The following FLNC variants were observed in gnomAD, a reference collection of about 807,000 sequenced individuals.
FLNC encodes filamin C.
A neutral mutation model predicts 254.3 loss-of-function variants in FLNC; 91 were observed. The ratio of observed to expected loss-of-function variants is 0.36; its 90% CI spans 0.30 to 0.43. The LOEUF (loss-of-function observed/expected upper bound fraction) is 0.43. FLNC is among the 20% of genes least tolerant of loss of function. The pLI is 1.00. For missense variants in FLNC, 2,853 were observed against 3,802.6 expected (o/e 0.75, Z 6.57); for synonymous variants, 1,430 against 1,577.2 (o/e 0.91, Z 2.21).
At chr7:128,847,218 C>T (rs1455893225) in intron 24 of FLNC, among the ~76,000 whole-genome samples, 1 of 152,274 alleles carries the variant, frequency 6.6e-6, no homozygotes, top group Non-Finnish European at 1.5e-5. Flanking sequence ...GTCCACTCCT[C>T]TTGGCGGCTC....
In FLNC at chr7:128,849,545, T is replaced by C. The variant is rs2128937839; in HGVS notation, c.5166T>C (p.Gly1722=). ...GKYVITIRFG[G]EHIPNSPFHV... ...ACGTCATCACCATCCGCTTCGGGGG[T>C]GAGCACATCCCCAACAGCCCCTTCC... The change falls in exon 30 of 48, where the codon GGT becomes GGC. Residue 1722 remains glycine, a synonymous_variant. Transcript: ENST00000325888. 1.2e-6 allele frequency: 2 copies of C among 1,614,064 alleles called. No individual in the cohort carries two copies. The highest frequency in any genetic ancestry group is 1.7e-6 in the Non-Finnish European group (2 of 1,180,020).
In FLNC at chr7:128,842,983, A is replaced by T. The variant is rs1808404676; in HGVS notation, c.2550+29A>T. The T allele has an allele frequency of 1.2e-6, 2 of 1,612,566 alleles. No homozygotes were observed. Among genetic ancestry groups the T allele is most frequent in the Admixed American group, 1.7e-5 (1 of 59,958 alleles). ...CCTAAGCTCCTGGGTACTCACAGCGACATGCACCTGCCAGCTCCAGAAGGC... is the reference window on the plus strand; with the variant it reads ...CCTAAGCTCCTGGGTACTCACAGCGTCATGCACCTGCCAGCTCCAGAAGGC... On this transcript the variant is annotated intron_variant, in intron 16 of 47. Coordinates refer to ENST00000325888, the MANE Select transcript of FLNC (RefSeq NM_001458.5). This position sits in a 1 kb window ranked among gnomAD's most constrained non-coding sequence, Gnocchi z 5.4.
At chr7:128,832,216 C>T (rs1468986933) in intron 1 of FLNC, among the ~76,000 whole-genome samples, 1 of 152,120 alleles carries the variant, frequency 6.6e-6, no homozygotes, top group Admixed American at 6.5e-5. Flanking sequence ...TGCCCCAATA[C>T]TGCCCCCCCA....
At chr7:128,840,750 G>A in intron 10 of FLNC, 76 bp downstream of exon 10, 1 of 1,504,764 alleles carries the variant, frequency 6.6e-7, no homozygotes, top group Non-Finnish European at 9.1e-7. Context: ...GGCTGCGAGG[G>A]AGTTTGAGGG....
At position 128,838,788 on chromosome 7, in the gene FLNC, G is replaced by C; in HGVS notation, c.1396G>C (p.Val466Leu). 1.2e-6 allele frequency: 2 copies of C among 1,612,866 alleles called. No homozygotes were observed. The highest frequency in any genetic ancestry group is 1.7e-6 in the Non-Finnish European group (2 of 1,179,922). ...GAPITRSPFP[V>L]HVSEACNPNA... ...CCCCATCACCCGCAGTCCCTTCCCT[G>C]TCCATGTGTCGGAAGGTAAGGGCCC... is the stretch of plus-strand genomic sequence containing the variant. Residue 466 changes from valine (V) to leucine (L), a missense_variant, in exon 8 of 48, where the codon GTC (valine) becomes CTC (leucine). Physicochemically the swap from Val to Leu is conservative, Grantham distance 32. This residue lies in a region of FLNC where 1,573 missense variants were observed against 1,883.5 expected (regional missense o/e 0.84). Coordinates refer to ENST00000325888, the MANE Select transcript of FLNC (RefSeq NM_001458.5).
rs199917473 is a variant in FLNC at position 128,845,260 on chromosome 7, G to A, written c.3790+5G>A. 100 of 1,610,226 alleles carry A rather than the reference G, an allele frequency of 6.2e-5. 1 individual carries two copies. In the East Asian group the frequency reaches 7.8e-4, roughly 13 times the overall value. ...GGCCTGGTGTTGAGCCACACGGTGA[G>A]TGGACAGGAGGAGCCAAGAAAGGTC... On this transcript the variant is annotated splice_donor_5th_base_variant and intron_variant, in intron 21 of 47. Coordinates refer to ENST00000325888, the MANE Select transcript of FLNC (RefSeq NM_001458.5).
rs1489699318 is a variant in FLNC, at chr7:128,847,726, G to A, written c.4318G>A (p.Val1440Met). ...CCCGTTCCGCGTGCCAGTGAAGGAT[G>A]TGGTGGACCCTGGGAAGGTGAAGTG... The part of the protein sequence containing the change: ...GSPFRVPVKD[V>M]VDPGKVKCSG... Residue 1440 changes from valine to methionine, a missense_variant, in exon 25 of 48, where the codon GTG becomes ATG. Val to Met is a conservative substitution (Grantham distance 21). Around this residue, in one of 10 missense-constraint regions of FLNC, gnomAD observed 1,573 missense variants for 1,883.5 expected, o/e 0.84. Transcript: ENST00000325888. 1.2e-6 allele frequency: 2 copies of A among 1,614,162 alleles called. No individual in the cohort carries two copies. Among genetic ancestry groups the A allele is most frequent in the Non-Finnish European group, 1.7e-6 (2 of 1,180,000 alleles).
In FLNC at chr7:128,858,431, T is replaced by C. The variant is rs544707183; in HGVS notation, c.8086T>C (p.Tyr2696His). The C allele has an allele frequency of 6.2e-7, 1 of 1,611,988 alleles. No homozygotes were observed. The highest frequency in any genetic ancestry group is 1.3e-5 in the African/African-American group (1 of 74,804). ...GGGGAACCGGGTGTACAATGTCACCTACACTGTCAAGGAGAAAGGGGACTA... is the reference window on the plus strand; with the variant it reads ...GGGGAACCGGGTGTACAATGTCACCCACACTGTCAAGGAGAAAGGGGACTA... ...HMGNRVYNVT[Y>H]TVKEKGDYIL... is the part of the protein sequence containing the mutation. Residue 2696 changes from tyrosine (Y) to histidine (H), a missense_variant, in exon 48 of 48, where the codon TAC becomes CAC. This residue lies in a region of FLNC where 197 missense variants were observed against 351.5 expected (regional missense o/e 0.56). Transcript: ENST00000325888. The surrounding 1 kb of genome is among the most constrained non-coding windows in gnomAD (Gnocchi z 6.7).
Position 128,843,508 on chromosome 7 carries a change from T to C in FLNC, c.2742T>C (p.Val914=), listed in dbSNP as rs1808427629. Residue 914 remains valine, a synonymous_variant, in exon 18 of 48, where the codon GTT becomes GTC. Coordinates refer to ENST00000325888, the MANE Select transcript of FLNC (RefSeq NM_001458.5). ...VQFAGTAKGE[V]VRDFEIIDNH... is the part of the protein sequence containing the mutation. Reference sequence around the variant, plus strand: ...TTGCAGGGACAGCCAAGGGCGAGGTTGTGCGGGACTTTGAGATCATAGACA... The same window carrying C: ...TTGCAGGGACAGCCAAGGGCGAGGTCGTGCGGGACTTTGAGATCATAGACA... The C allele has an allele frequency of 1.2e-6, 2 of 1,613,994 alleles. No individual in the cohort carries two copies. The highest frequency in any genetic ancestry group is 4.5e-5 in the East Asian group (2 of 44,880).
chr7:128,832,701 C>G (rs1374505648), intron 1 of FLNC, among the ~76,000 whole-genome samples: 2 of 152,200 alleles, frequency 1.3e-5, no homozygotes, highest in Non-Finnish European at 2.9e-5. Flanking sequence ...CTCCCTGGTT[C>G]CCGCTGGGAG....
chr7:128,849,102 C>T, intron 28 of FLNC, 79 bp from the exon 29 acceptor site: 2 of 1,538,044 alleles, frequency 1.3e-6, no homozygotes, highest in Non-Finnish European at 8.9e-7. Context: ...CTAGCCCTGG[C>T]CCCTCCCTCC....
At position 128,842,105 on chromosome 7, in the gene FLNC, T is replaced by TGGCTGGTGTGGA; in HGVS notation, c.2122-115_2122-114insAGGCTGGTGTGG. On this transcript the variant is annotated intron_variant, in intron 13 of 47. Transcript: ENST00000325888. The surrounding 1 kb of genome is among the most constrained non-coding windows in gnomAD (Gnocchi z 5.4). ...TGGCCCTGGGCTCTGGTGGCCTCAG[T>TGGCTGGTGTGGA]GGCTGGTGTGGGGGCGGGAGTGCCA... The TGGCTGGTGTGGA allele has an allele frequency of 1.0e-6, 1 of 990,676 alleles. No homozygotes were observed. Among genetic ancestry groups the TGGCTGGTGTGGA allele is most frequent in the South Asian group, 1.5e-5 (1 of 68,580 alleles). The allele number at this position is 990,676 out of a possible 1,614,324, so 61.4% of individuals were successfully genotyped here. A position where few individuals can be genotyped will look rare whatever the true frequency, so the allele number is the denominator to read the frequency against.
intron 42 of FLNC, 121 bp downstream of exon 42, chr7:128,855,033 C>A: frequency 8.5e-7 from 1 of 1,171,946 alleles, no homozygotes; most frequent in South Asian, 1.2e-5. Flanking sequence ...GCCCCCTGCT[C>A]TTCCTCTGCC....
At position 128,842,703 on chromosome 7, in the gene FLNC, G is replaced by A. The variant is rs901857994; in HGVS notation, c.2389+5G>A. ...ACTGCAGCGAGGCGGGGCAAGGTGCGCCCAGCCGGAAGGGGTGGGTCTGGG... is the reference window on the plus strand; with the variant it reads ...ACTGCAGCGAGGCGGGGCAAGGTGCACCCAGCCGGAAGGGGTGGGTCTGGG... On this transcript the variant is annotated splice_donor_5th_base_variant and intron_variant, in intron 15 of 47. Coordinates refer to ENST00000325888, the MANE Select transcript of FLNC (RefSeq NM_001458.5). This position sits in a 1 kb window ranked among gnomAD's most constrained non-coding sequence, Gnocchi z 5.4. The A allele has an allele frequency of 3.2e-5, 47 of 1,475,846 alleles. No homozygotes were observed. Among genetic ancestry groups the A allele is most frequent in the Non-Finnish European group, 3.8e-5 (41 of 1,080,928 alleles). The allele number at this position is 1,475,846 out of a possible 1,614,324, so 91.4% of individuals were successfully genotyped here.
chr7:128,849,705 G>A, intron 30 of FLNC, 127 bp downstream of exon 30: 3 of 1,287,092 alleles, frequency 2.3e-6, no homozygotes, highest in Non-Finnish European at 2.2e-6. Context: ...TGGGGCCAGA[G>A]TGCTCCAGGA....
rs1195848433 is a variant in FLNC, at chr7:128,843,441, T to C, written c.2675T>C (p.Val892Ala). The C allele has an allele frequency of 1.2e-6, 2 of 1,614,004 alleles. No homozygotes were observed. Among genetic ancestry groups the C allele is most frequent in the Non-Finnish European group, 8.5e-7 (1 of 1,180,008 alleles). Residue 892 changes from valine (V) to alanine (A), a missense_variant, in exon 18 of 48, where the codon GTG (valine) becomes GCG (alanine). This residue lies in a region of FLNC where 1,573 missense variants were observed against 1,883.5 expected (regional missense o/e 0.84). Transcript: ENST00000325888. ...GTCGGGAAGCCCACCCACTTCACGG[T>C]GCTGACCAAGGGAGCCGGCAAGGCC... ...VEVGKPTHFT[V>A]LTKGAGKAKL...
chr7:128,854,514 C>A lies in FLNC; in HGVS notation c.6829C>A (p.Arg2277Ser), dbSNP rs761696270. The change falls in exon 41 of 48, where the codon CGC (arginine) becomes AGC (serine). Residue 2277 changes from arginine to serine, a missense_variant. Physicochemically the swap from Arg to Ser is moderately radical, Grantham distance 110 (BLOSUM62 -1). Around this residue, in one of 10 missense-constraint regions of FLNC, gnomAD observed 551 missense variants for 835.0 expected, o/e 0.66. Transcript: ENST00000325888. ...GGGCGAGGACAGCGCCTACAGCGTG[C>A]GCTTTGTGCCCCAGGAAATGGGGCC... ...VEGEDSAYSV[R>S]FVPQEMGPHT... is the part of the protein sequence containing the mutation. 16 of 1,605,322 alleles carry A rather than the reference C, an allele frequency of 1.0e-5. No individual in the cohort carries two copies. The highest frequency in any genetic ancestry group is 1.3e-5 in the Non-Finnish European group (15 of 1,176,480).
rs1191301612 is a variant in FLNC, at chr7:128,842,530, A to G, written c.2266-45A>G. 2 of 1,548,600 alleles carry G rather than the reference A, an allele frequency of 1.3e-6. No individual in the cohort carries two copies. Among genetic ancestry groups the G allele is most frequent in the African/African-American group, 2.7e-5 (2 of 73,020 alleles). ...GCCGGGTGCGCTGGGCAGGAGGATG[A>G]GCCTTGAGGGAGGGCACCACGCTGA... On this transcript the variant is annotated intron_variant, in intron 14 of 47. Coordinates refer to ENST00000325888, the MANE Select transcript of FLNC (RefSeq NM_001458.5). The surrounding 1 kb of genome is among the most constrained non-coding windows in gnomAD (Gnocchi z 5.4).
Position 128,841,686 on chromosome 7 carries a change from CAGGA to C in FLNC, c.2121+120_2121+123del. The C allele has an allele frequency of 2.5e-6, 2 of 792,180 alleles. No homozygotes were observed. Among genetic ancestry groups the C allele is most frequent in the Non-Finnish European group, 4.5e-6 (2 of 445,518 alleles). 49.1% of individuals were successfully genotyped at this position (792,180 alleles called of 1,614,324 possible). On this transcript the variant is annotated intron_variant, in intron 13 of 47. Coordinates refer to ENST00000325888, the MANE Select transcript of FLNC (RefSeq NM_001458.5). The surrounding 1 kb of genome is among the most constrained non-coding windows in gnomAD (Gnocchi z 4.3). ...AATGACAGCATCACAGAAGATCAGG[CAGGA>C]CTGATACTCATGGGCCCATCAGTAC...
Sources: gnomAD v4.1 joint callset for allele counts (sites outside exome capture counted in the v4.1 genomes callset) on GRCh38, gnomAD v4.1.1 for gene constraint, gnomAD v4.1.1 regional missense constraint, Gnocchi (gnomAD v3.1) non-coding constraint, MANE v1.5 for transcripts, NCBI Gene and HGNC (gene_info 2026-07-23, HGNC 2026-07-21) for gene names.